Variants in HIPK2 observed in about 807,000 individuals in gnomAD.
The protein encoded by HIPK2 is homeodomain-interacting protein kinase 2.
A neutral mutation model predicts 113.7 loss-of-function variants in HIPK2; 27 were observed. The observed-to-expected ratio is 0.24, with a 90% CI of 0.17 to 0.33. The LOEUF (loss-of-function observed/expected upper bound fraction) is 0.33. Ranked by LOEUF, HIPK2 falls within the 10% of genes least tolerant of loss-of-function variation. The pLI, the probability that HIPK2 is intolerant of heterozygous loss-of-function variation, is 1.00. For synonymous variants in HIPK2, 631 were observed against 642.2 expected, an observed-to-expected ratio of 0.98 and a Z score of 0.26; for missense variants, 1,257 against 1,588.0, an observed-to-expected ratio of 0.79 and a Z score of 3.54.
chr7:139,769,892 A>T (rs1796617736), intron 1 of HIPK2, among the ~76,000 whole-genome samples: 1 of 152,222 alleles, frequency 6.6e-6, no homozygotes, highest in African/African-American at 2.4e-5. Flanking sequence ...GAAACTGATG[A>T]ATCTTTTCCT....
intron 2 of HIPK2, among the ~76,000 whole-genome samples, chr7:139,712,284 C>T (rs960544054): frequency 1.3e-5 from 2 of 152,250 alleles, no homozygotes; most frequent in African/African-American, 4.8e-5. Context: ...AAACAGTTGG[C>T]TCCGGGGACA....
At chr7:139,658,526 G>C (rs9969176) in intron 2 of HIPK2, among the ~76,000 whole-genome samples, 127,081 of 152,220 alleles carry the variant, frequency 0.83, 53,697 homozygotes, top group African/African-American at 0.92. Context: ...GAAAGCGAAA[G>C]CAAAATTTTC....
chr7:139,624,853 C>G (rs1041086247), intron 6 of HIPK2, among the ~76,000 whole-genome samples: 2 of 152,216 alleles, frequency 1.3e-5, no homozygotes, highest in African/African-American at 4.8e-5. Context: ...ATGCCTTCAC[C>G]TGGGGAGATG....
At chr7:139,660,433 A>T (rs563356409) in intron 2 of HIPK2, among the ~76,000 whole-genome samples, 17 of 152,336 alleles carry the variant, frequency 1.1e-4, no homozygotes, top group Non-Finnish European at 2.4e-4. Context: ...GACTTTATTT[A>T]AATCCTTTTT....
intron 2 of HIPK2, among the ~76,000 whole-genome samples, chr7:139,686,736 G>T (rs1202850455): frequency 1.3e-5 from 2 of 152,156 alleles, no homozygotes; most frequent in East Asian, 3.8e-4. Context: ...CCAGTCTCGG[G>T]TATTTCTTCA....
intron 2 of HIPK2, among the ~76,000 whole-genome samples, chr7:139,695,937 T>TC (rs1410944286): frequency 3.5e-5 from 4 of 115,676 alleles, no homozygotes; most frequent in African/African-American, 2.1e-4. Flanking sequence ...CTAATAGGTG[T>TC]CCAATAAATG....
intron 1 of HIPK2, among the ~76,000 whole-genome samples, chr7:139,763,470 A>T: frequency 1.0e-5 from 1 of 98,868 alleles, no homozygotes; most frequent in Non-Finnish European, 1.9e-5. Flanking sequence ...TTGCCGGAAC[A>T]CGCCCCCCCC....
At chr7:139,667,867 G>C (rs1802101986) in intron 2 of HIPK2, among the ~76,000 whole-genome samples, 1 of 152,074 alleles carries the variant, frequency 6.6e-6, no homozygotes, top group African/African-American at 2.4e-5. Context: ...GCTCGCACCT[G>C]TAATCCCAGC....
chr7:139,700,606 C>T (rs1220537905), intron 2 of HIPK2, among the ~76,000 whole-genome samples: 1 of 152,146 alleles, frequency 6.6e-6, no homozygotes, highest in African/African-American at 2.4e-5. Flanking sequence ...ACAGTTAACC[C>T]TCCCACTCTG....
At chr7:139,660,333 A>C (rs567737924) in intron 2 of HIPK2, among the ~76,000 whole-genome samples, 110 of 152,374 alleles carry the variant, frequency 7.2e-4, no homozygotes, top group African/African-American at 2.5e-3. Flanking sequence ...AGCCTCAACC[A>C]AACTCAAATA....
At chr7:139,666,829 G>A (rs747485109) in intron 2 of HIPK2, among the ~76,000 whole-genome samples, 1 of 152,156 alleles carries the variant, frequency 6.6e-6, no homozygotes, top group Non-Finnish European at 1.5e-5. Context: ...TTGGGAGGCC[G>A]AGGCAGGTAG....
At chr7:139,715,835 C>T in intron 2 of HIPK2, 97 bp downstream of exon 2, 1 of 1,468,364 alleles carries the variant, frequency 6.8e-7, no homozygotes, top group African/African-American at 1.4e-5. Flanking sequence ...GAACTGTAGA[C>T]ATATAATTTT....
At chr7:139,648,140 C>T (rs1210425287) in intron 2 of HIPK2, among the ~76,000 whole-genome samples, 2 of 152,242 alleles carry the variant, frequency 1.3e-5, no homozygotes, top group African/African-American at 4.8e-5. Context: ...GGCTCTGACA[C>T]AGAACTGTCT....
At chr7:139,633,385 A>C (rs1800690254) in intron 2 of HIPK2, among the ~76,000 whole-genome samples, 1 of 152,146 alleles carries the variant, frequency 6.6e-6, no homozygotes, top group Non-Finnish European at 1.5e-5. Flanking sequence ...TTCTCTACTG[A>C]AAAAGTACCT....
Position 139,631,188 on chromosome 7 carries a change from G to T in HIPK2, c.1324C>A (p.Pro442Thr), listed in dbSNP as rs756817319. Residue 442 changes from proline to threonine, a missense_variant, in exon 4 of 15, where the codon CCA becomes ACA. By Grantham distance (38) the Pro-to-Thr change is conservative. Around this residue, in one of 5 missense-constraint regions of HIPK2, gnomAD observed 84 missense variants for 182.2 expected, o/e 0.46. Coordinates refer to ENST00000406875, the MANE Select transcript of HIPK2 (RefSeq NM_022740.5). This position sits in a 1 kb window ranked among gnomAD's most constrained non-coding sequence, Gnocchi z 4.9. ...TRFFNRDTDS[P>T]YPLWRLKTPD... ...ACCTTCAGTCTCCACAAAGGATATG[G>T]TGAGTCCGTGTCACGGTTGAAAAAC... is the stretch of plus-strand genomic sequence containing the variant. 134 of 1,613,252 alleles carry T rather than the reference G, an allele frequency of 8.3e-5. No individual in the cohort carries two copies. The highest frequency in any genetic ancestry group is 1.1e-4 in the Non-Finnish European group (129 of 1,179,670).
At chr7:139,757,097 A>G (rs934552550) in intron 1 of HIPK2, among the ~76,000 whole-genome samples, 8 of 152,192 alleles carry the variant, frequency 5.3e-5, no homozygotes, top group African/African-American at 1.9e-4. Flanking sequence ...TCTAGAGCTA[A>G]AAATCATCCT....
At chr7:139,619,967 GC>G (rs1410853333) in intron 7 of HIPK2, among the ~76,000 whole-genome samples, 1 of 152,060 alleles carries the variant, frequency 6.6e-6, no homozygotes. Flanking sequence ...TCACTGTGTT[GC>G]CCAGGCTACT....
At position 139,566,534 on chromosome 7, in the gene HIPK2, C is replaced by CA. The variant is rs2116397832; in HGVS notation, c.*6392dup. 6.6e-6 allele frequency: 1 copy of CA among 152,306 alleles called. No homozygotes were observed. The highest frequency in any genetic ancestry group is 1.5e-5 in the Non-Finnish European group (1 of 68,030). 9.4% of individuals were successfully genotyped at this position (152,306 alleles called of 1,614,324 possible). A position where few individuals can be genotyped will look rare whatever the true frequency, so the allele number is the denominator to read the frequency against. On this transcript the variant is annotated 3_prime_UTR_variant, in exon 15 of 15. Transcript: ENST00000406875. The surrounding 1 kb of genome is among the most constrained non-coding windows in gnomAD (Gnocchi z 4.1). ...AGTTAAAAGATTAAAAATCACATCT[C>CA]AGGAAGGGCCTGATGAACAAAAAAG...
chr7:139,604,343 G>A, intron 9 of HIPK2, 120 bp from the exon 10 acceptor site: 1 of 1,410,358 alleles, frequency 7.1e-7, no homozygotes, highest in Non-Finnish European at 9.5e-7. Context: ...GTGAGAGTGA[G>A]GGCCTGGTCT....
Sources: gnomAD v4.1 joint callset for allele counts (sites outside exome capture counted in the v4.1 genomes callset) on GRCh38, gnomAD v4.1.1 for gene constraint, gnomAD v4.1.1 regional missense constraint, Gnocchi (gnomAD v3.1) non-coding constraint, MANE v1.5 for transcripts, NCBI Gene and HGNC (gene_info 2026-07-23, HGNC 2026-07-21) for gene names.